The following PRTG variants were observed in gnomAD, a reference collection of about 807,000 sequenced individuals.
PRTG encodes the protein protogenin, also known as immunoglobulin superfamily, DCC subclass, member 5.
PRTG carries 67 observed loss-of-function variants against 122.5 expected under a neutral mutation model. The ratio of observed to expected loss-of-function variants is 0.55; its 90% CI spans 0.45 to 0.67. The LOEUF (loss-of-function observed/expected upper bound fraction) is 0.67. Among genes scored for constraint, PRTG ranks in the 30% least tolerant of loss-of-function variants. The pLI, the probability that PRTG is intolerant of heterozygous loss-of-function variation, is 0.00. For synonymous variants in PRTG, 554 were observed against 501.1 expected (o/e 1.11, Z -1.41); for missense variants, 1,435 against 1,415.4 (o/e 1.01, Z -0.22).
At chr15:55,663,032 C>T (rs2059418588) in intron 11 of PRTG, among the ~76,000 whole-genome samples, 1 of 152,216 alleles carries the variant, frequency 6.6e-6, no homozygotes, top group Admixed American at 6.5e-5. Flanking sequence ...TTCCCCAATC[C>T]TGGTCTTACT....
intron 2 of PRTG, among the ~76,000 whole-genome samples, chr15:55,710,606 G>T (rs1340226888): frequency 6.6e-6 from 1 of 151,926 alleles, no homozygotes; most frequent in Non-Finnish European, 1.5e-5. Context: ...ATGTTTTCTT[G>T]GTCTAGGATA....
intron 11 of PRTG, among the ~76,000 whole-genome samples, chr15:55,664,726 A>C (rs567481110): frequency 1.3e-5 from 2 of 151,976 alleles, no homozygotes; most frequent in East Asian, 3.9e-4. Flanking sequence ...ATCTGGGATC[A>C]CAGGCATGTA....
In PRTG at chr15:55,731,440, G is replaced by A. The variant is rs368909395; in HGVS notation, c.397+8942C>T. 8.4e-4 allele frequency among the ~76,000 whole-genome samples: 118 copies of A among 140,318 alleles called. 1 individual carries two copies. In the South Asian group the frequency reaches 0.015, roughly 18 times the overall value. The allele number at this position is 140,318 out of a possible 152,430, so 92.1% of individuals were successfully genotyped here. On this transcript the variant is annotated intron_variant, in intron 2 of 19. Coordinates refer to ENST00000389286, the MANE Select transcript of PRTG (RefSeq NM_173814.6). ...GGTTGGAGTACAACGGCATGCTCTCGGCTCACTGCAACCTCTGCCTCTCAG... is the reference window on the plus strand; with the variant it reads ...GGTTGGAGTACAACGGCATGCTCTCAGCTCACTGCAACCTCTGCCTCTCAG...
chr15:55,639,340 C>T (rs911671817), intron 13 of PRTG, among the ~76,000 whole-genome samples: 1 of 152,128 alleles, frequency 6.6e-6, no homozygotes, highest in African/African-American at 2.4e-5. Flanking sequence ...AAAATAGTCT[C>T]CTTTCTTTCT....
At position 55,616,005 on chromosome 15, in the gene PRTG, T is replaced by C. The variant is rs491014; in HGVS notation, c.*4007A>G. 58,481 of 151,902 alleles carry C rather than the reference T, an allele frequency of 0.38. 12,879 individuals carry two copies. The highest frequency in any genetic ancestry group is 0.5 in the Non-Finnish European group (34,131 of 67,878). 9.4% of individuals were successfully genotyped at this position (151,902 alleles called of 1,614,324 possible). On this transcript the variant is annotated 3_prime_UTR_variant, in exon 20 of 20. Coordinates refer to ENST00000389286, the MANE Select transcript of PRTG (RefSeq NM_173814.6). ...AAACTGATGCAAACCTCTGTCATTG[T>C]TCCCAATGTTGGCATTGCTCGTTTC...
intron 2 of PRTG, among the ~76,000 whole-genome samples, chr15:55,721,185 T>C (rs1006362666): frequency 1.3e-5 from 2 of 152,190 alleles, no homozygotes; most frequent in Non-Finnish European, 2.9e-5. Flanking sequence ...ACCTAAAATG[T>C]GTCTTCCATT....
At chr15:55,741,646 G>T (rs2031612841) in intron 1 of PRTG, among the ~76,000 whole-genome samples, 1 of 152,164 alleles carries the variant, frequency 6.6e-6, no homozygotes, top group Non-Finnish European at 1.5e-5. Flanking sequence ...GGGGGTGTGT[G>T]GGGGAAGCGT....
chr15:55,628,721 G>T, intron 16 of PRTG, 101 bp downstream of exon 16: 1 of 879,320 alleles, frequency 1.1e-6, no homozygotes, highest in Admixed American at 2.5e-5. Context: ...GGAACTGAGA[G>T]CCGGTTTAGG....
rs559438643 is a variant in PRTG, at chr15:55,639,861, G to A, written c.2138-33C>T. On this transcript the variant is annotated intron_variant, in intron 12 of 19. Coordinates refer to ENST00000389286, the MANE Select transcript of PRTG (RefSeq NM_173814.6). Reference sequence around the variant, plus strand: ...GAAAAACAATGTTAATTTACGATACGACATAACATTTTAACATAGAAAGTG... The same window carrying A: ...GAAAAACAATGTTAATTTACGATACAACATAACATTTTAACATAGAAAGTG... 210 of 1,605,936 alleles carry A rather than the reference G, an allele frequency of 1.3e-4. 1 individual carries two copies. The South Asian group carries it at 2.0e-3, about 15-fold the overall frequency.
At chr15:55,629,741 C>A (rs2059216733) in intron 15 of PRTG, among the ~76,000 whole-genome samples, 1 of 151,416 alleles carries the variant, frequency 6.6e-6, no homozygotes, top group Admixed American at 6.6e-5. Flanking sequence ...ATAGCTGTGA[C>A]AGGTAATCCT....
intron 2 of PRTG, among the ~76,000 whole-genome samples, chr15:55,692,835 C>CTTTTTTT (rs774248341): frequency 6.5e-4 from 49 of 74,964 alleles, no homozygotes; most frequent in Admixed American, 1.1e-3. Flanking sequence ...AATGCAATCT[C>CTTTTTTT]TTTTTTTTTT....
chr15:55,742,796 C>A (rs1484604568), intron 1 of PRTG, 42 bp downstream of exon 1: 19 of 1,538,698 alleles, frequency 1.2e-5, no homozygotes, highest in Non-Finnish European at 1.7e-5. Flanking sequence ...CGCCCGCTCC[C>A]GCCCCACAGC....
In PRTG at chr15:55,620,039, A is replaced by G; in HGVS notation, c.3426T>C (p.Val1142=). ...ESNDEIHLSS[V]ISTTPPNL is the part of the protein sequence containing the mutation. ...AGAGGTTGGGGGGTGTGGTACTTAT[A>G]ACTGAGGACAGATGTATCTCATCGT... Residue 1142 remains valine (V), a synonymous_variant, in exon 20 of 20, where the codon GTT becomes GTC. Coordinates refer to ENST00000389286, the MANE Select transcript of PRTG (RefSeq NM_173814.6). 3 of 1,614,146 alleles carry G rather than the reference A, an allele frequency of 1.9e-6. No individual in the cohort carries two copies. Among genetic ancestry groups the G allele is most frequent in the Non-Finnish European group, 2.5e-6 (3 of 1,180,034 alleles).
Position 55,680,192 on chromosome 15 carries a change from A to G in PRTG, c.835T>C (p.Phe279Leu). The G allele has an allele frequency of 6.2e-7, 1 of 1,610,442 alleles. No individual in the cohort carries two copies. The highest frequency in any genetic ancestry group is 8.5e-7 in the Non-Finnish European group (1 of 1,176,760). Residue 279 changes from phenylalanine (F) to leucine (L), a missense_variant, in exon 6 of 20, where the codon TTT becomes CTT. Coordinates refer to ENST00000389286, the MANE Select transcript of PRTG (RefSeq NM_173814.6). ...SRLDHKSIDV[F>L]NTRVLGNGNL... ...CCATTTCCAAGTACCCGAGTATTAA[A>G]GACATCAATGGATTTGTGATCTATT...
intron 15 of PRTG, among the ~76,000 whole-genome samples, chr15:55,634,927 C>T (rs753935070): frequency 2.3e-4 from 35 of 152,166 alleles, no homozygotes; most frequent in Non-Finnish European, 4.7e-4. Context: ...GTAGCCCTCC[C>T]AACACTGGTT....
In PRTG at chr15:55,624,362, T is replaced by A. The variant is rs74390907; in HGVS notation, c.3073A>T (p.Asn1025Tyr). ...AGTACCTTTGCATCAATGAAGCTGT[T>A]TGGCATGATCATTGGCATTAAAGAT... is the stretch of plus-strand genomic sequence containing the variant. ...EESLMPMIMP[N>Y]SFIDAKGGTD... Residue 1025 changes from asparagine to tyrosine, a missense_variant, in exon 18 of 20, where the codon AAC becomes TAC. By Grantham distance (143) the Asn-to-Tyr change is moderately radical. Coordinates refer to ENST00000389286, the MANE Select transcript of PRTG (RefSeq NM_173814.6). 1.2e-4 allele frequency: 190 copies of A among 1,614,056 alleles called. No homozygotes were observed. In the East Asian group the frequency reaches 4.2e-3, roughly 36 times the overall value.
At position 55,683,780 on chromosome 15, in the gene PRTG, C is replaced by T. The variant is rs754352341; in HGVS notation, c.542+7G>A. The T allele has an allele frequency of 1.1e-5, 17 of 1,607,392 alleles. No individual in the cohort carries two copies. The highest frequency in any genetic ancestry group is 1.7e-5 in the Admixed American group (1 of 59,172). ...TATCATCTCCAAAGACAAAAATCTA[C>T]ATCTACCTGTCCATAGTCATAGGTA... On this transcript the variant is annotated splice_region_variant and intron_variant, in intron 3 of 19. Transcript: ENST00000389286.
intron 4 of PRTG, chr15:55,681,507 T>C (rs2059537743): frequency 1.3e-5 from 2 of 152,164 alleles, no homozygotes; most frequent in African/African-American, 4.8e-5. Flanking sequence ...GTTTCCCTTC[T>C]ACCTATATTA....
chr15:55,695,618 C>T (rs1595658809), intron 2 of PRTG, among the ~76,000 whole-genome samples: 1 of 152,274 alleles, frequency 6.6e-6, no homozygotes, highest in East Asian at 1.9e-4. Flanking sequence ...CCAGAGGCCT[C>T]AGTGCTGTTT....
Sources: allele counts gnomAD v4.1 joint callset (sites outside exome capture counted in the v4.1 genomes callset), GRCh38; gene constraint gnomAD v4.1.1; transcripts MANE v1.5; gene names NCBI Gene and HGNC (gene_info 2026-07-23, HGNC 2026-07-21).